The following YIPF4 variants were observed in gnomAD, a reference collection of about 807,000 sequenced individuals.
YIPF4 encodes the protein protein YIPF4.
Under a neutral mutation model 29.4 loss-of-function variants are expected in YIPF4, and 18 were observed. The observed-to-expected ratio is 0.61, with a 90% CI of 0.42 to 0.91. The LOEUF is 0.91. YIPF4 is among the 40% of genes least tolerant of loss of function. The pLI is 0.00. For missense variants in YIPF4, 279 were observed against 282.7 expected (o/e 0.99, Z 0.09); for synonymous variants, 115 against 104.7 (o/e 1.10, Z -0.60).
At chr2:32,279,699 G>A (rs537138265) in intron 1 of YIPF4, among the ~76,000 whole-genome samples, 5 of 151,306 alleles carry the variant, frequency 3.3e-5, no homozygotes, top group Admixed American at 3.3e-4. Context: ...GTGAGCCACC[G>A]CGCCCGGCCG....
intron 1 of YIPF4, among the ~76,000 whole-genome samples, chr2:32,281,677 C>G (rs532987939): frequency 7.9e-5 from 12 of 151,906 alleles, no homozygotes; most frequent in Admixed American, 5.9e-4. Context: ...GGCTTAAGCT[C>G]GAGAGTTTGA....
rs368751188 is a variant in YIPF4 at position 32,313,062 on chromosome 2, C to T, written c.*7436C>T. On this transcript the variant is annotated 3_prime_UTR_variant, in exon 6 of 6. Transcript: ENST00000238831. ...TGAGCTTATTTTGCTGGGGACTCAG[C>T]CAATTAATTTCACAAATTGTAAAAC... is the stretch of plus-strand genomic sequence containing the variant. The T allele has an allele frequency of 6.6e-6, 1 of 151,958 alleles. No homozygotes were observed. Among genetic ancestry groups the T allele is most frequent in the Non-Finnish European group, 1.5e-5 (1 of 68,006 alleles). 9.4% of individuals were successfully genotyped at this position (151,958 alleles called of 1,614,324 possible). A position where few individuals can be genotyped will look rare whatever the true frequency, so the allele number is the denominator to read the frequency against.
At chr2:32,294,640 AC>A (rs1231818158) in intron 3 of YIPF4, among the ~76,000 whole-genome samples, 12 of 147,362 alleles carry the variant, frequency 8.1e-5, no homozygotes, top group African/African-American at 3.0e-4. Flanking sequence ...CCAGGCAGAG[AC>A]GCTCCTCACT....
intron 3 of YIPF4, among the ~76,000 whole-genome samples, chr2:32,297,354 C>G (rs1021589922): frequency 6.6e-6 from 1 of 152,020 alleles, no homozygotes; most frequent in African/African-American, 2.4e-5. Flanking sequence ...CTCCCGACCT[C>G]AGGTTATCTG....
rs536884850 is a variant in YIPF4, at chr2:32,282,934, G to A, written c.79+4700G>A. Among the ~76,000 whole-genome samples the A allele has an allele frequency of 8.2e-4, 124 of 151,990 alleles. 1 individual carries two copies. In the Middle Eastern group the frequency reaches 0.014, roughly 17 times the overall value. ...TACTAAAAATACAAAAAAATTAGCC[G>A]GGGGTGGTGGCGGGTGCCTGTAGTC... is the stretch of plus-strand genomic sequence containing the variant. On this transcript the variant is annotated intron_variant, in intron 1 of 5. Coordinates refer to ENST00000238831, the MANE Select transcript of YIPF4 (RefSeq NM_032312.4).
At position 32,307,081 on chromosome 2, in the gene YIPF4, T is replaced by C; in HGVS notation, c.*1455T>C. The stretch of plus-strand genomic sequence containing the variant: ...AGCTAGAATAATGTAGAAAATTACA[T>C]GTACTGATTTTTTTAAAAACAGGTG... On this transcript the variant is annotated 3_prime_UTR_variant, in exon 6 of 6. Transcript: ENST00000238831. The C allele has an allele frequency of 7.8e-7, 1 of 1,280,630 alleles. No individual in the cohort carries two copies. Among genetic ancestry groups the C allele is most frequent in the Non-Finnish European group, 1.0e-6 (1 of 979,466 alleles). 79.3% of individuals were successfully genotyped at this position (1,280,630 alleles called of 1,614,324 possible). A position where few individuals can be genotyped will look rare whatever the true frequency, so the allele number is the denominator to read the frequency against.
intron 4 of YIPF4, among the ~76,000 whole-genome samples, chr2:32,300,780 G>T (rs2031377802): frequency 6.6e-6 from 1 of 152,154 alleles, no homozygotes; most frequent in South Asian, 2.1e-4. Flanking sequence ...TACTAGCTTT[G>T]CTTTCCGGAG....
chr2:32,305,364 C>A, intron 5 of YIPF4, 125 bp from the exon 6 acceptor site: 1 of 1,128,902 alleles, frequency 8.9e-7, no homozygotes, highest in Non-Finnish European at 1.2e-6. Context: ...ACAAGTTTTA[C>A]TATTTACCAA....
chr2:32,305,469 C>CT lies in YIPF4; in HGVS notation c.598-14dup. 3.4e-6 allele frequency: 5 copies of CT among 1,484,068 alleles called. No homozygotes were observed. The highest frequency in any genetic ancestry group is 3.0e-5 in the South Asian group (2 of 65,750). 91.9% of individuals were successfully genotyped at this position (1,484,068 alleles called of 1,614,324 possible). A position where few individuals can be genotyped will look rare whatever the true frequency, so the allele number is the denominator to read the frequency against. ...GACTTGCTAATATGCTGCCTTTTGT[C>CT]TTTTTTCCTTTTTTTAAAGCTGTTT... On this transcript the variant is annotated intron_variant, in intron 5 of 5. Transcript: ENST00000238831.
rs142782768 is a variant in YIPF4 at position 32,300,698 on chromosome 2, C to T, written c.484-684C>T. On this transcript the variant is annotated intron_variant, in intron 4 of 5. Coordinates refer to ENST00000238831, the MANE Select transcript of YIPF4 (RefSeq NM_032312.4). ...ATTTATATGAAAATATGTATCATTA[C>T]GTGTTTTGGTAATTCAGGAATGTTG... Among the ~76,000 whole-genome samples the T allele has an allele frequency of 1.4e-3, 218 of 152,124 alleles. 2 individuals carry two copies. Among genetic ancestry groups the T allele is most frequent in the African/African-American group, 4.9e-3 (204 of 41,492 alleles).
At chr2:32,300,253 C>T (rs919610897) in intron 4 of YIPF4, among the ~76,000 whole-genome samples, 5 of 146,734 alleles carry the variant, frequency 3.4e-5, no homozygotes, top group African/African-American at 1.0e-4. Flanking sequence ...GCAACAAGAG[C>T]GAAACTCCGT....
intron 1 of YIPF4, among the ~76,000 whole-genome samples, chr2:32,283,404 C>A (rs773958573): frequency 3.3e-5 from 5 of 152,170 alleles, no homozygotes; most frequent in Non-Finnish European, 4.4e-5. Context: ...CCAAATCCCT[C>A]ATTCTTAATG....
intron 4 of YIPF4, among the ~76,000 whole-genome samples, chr2:32,299,717 C>G (rs1179249170): frequency 6.6e-6 from 1 of 152,140 alleles, no homozygotes; most frequent in Admixed American, 6.6e-5. Flanking sequence ...GGGACTGAGG[C>G]AGGAGACTTG....
At position 32,290,492 on chromosome 2, in the gene YIPF4, G is replaced by T; in HGVS notation, c.89G>T (p.Gly30Val). 1.3e-6 allele frequency: 2 copies of T among 1,561,262 alleles called. No homozygotes were observed. The highest frequency in any genetic ancestry group is 1.7e-6 in the Non-Finnish European group (2 of 1,155,092). The change falls in exon 2 of 6, where the codon GGT (glycine) becomes GTT (valine). Residue 30 changes from glycine (G) to valine (V), a missense_variant. By Grantham distance (109) the Gly-to-Val change is moderately radical. Transcript: ENST00000238831. ...CCTCTTTTCTCCTAAGATCTCAGTG[G>T]TTCAATAGCATCCCCAGATGTCAAA... ...VSSADAEDLS[G>V]SIASPDVKLN...
chr2:32,291,260 C>G (rs567541495), intron 2 of YIPF4, among the ~76,000 whole-genome samples: 2 of 152,330 alleles, frequency 1.3e-5, no homozygotes, highest in Non-Finnish European at 2.9e-5. Flanking sequence ...ATCGGCCAGG[C>G]ATAGTGGCCC....
chr2:32,293,506 G>A lies in YIPF4; in HGVS notation c.405+1158G>A, dbSNP rs190401823. Among the ~76,000 whole-genome samples, 822 of 152,260 alleles carry A rather than the reference G, an allele frequency of 5.4e-3. 8 individuals carry two copies. Among genetic ancestry groups the A allele is most frequent in the African/African-American group, 0.018 (763 of 41,542 alleles). On this transcript the variant is annotated intron_variant, in intron 3 of 5. Coordinates refer to ENST00000238831, the MANE Select transcript of YIPF4 (RefSeq NM_032312.4). ...TGTCTACTTCTTTCCACACAGACAC[G>A]GCAACCATCCGATTTCTCAATCTTT...
At chr2:32,282,512 A>G (rs2030466960) in intron 1 of YIPF4, among the ~76,000 whole-genome samples, 1 of 152,062 alleles carries the variant, frequency 6.6e-6, no homozygotes, top group South Asian at 2.1e-4. Context: ...GGCTCACTGC[A>G]ACCTCTGCCT....
chr2:32,290,752 G>T, intron 2 of YIPF4, 116 bp downstream of exon 2: 1 of 628,542 alleles, frequency 1.6e-6, no homozygotes. Context: ...AAGCTATAGT[G>T]ATTGTCAATT....
rs906484653 is a variant in YIPF4, at chr2:32,307,082, G to A, written c.*1456G>A. The stretch of plus-strand genomic sequence containing the variant: ...GCTAGAATAATGTAGAAAATTACAT[G>A]TACTGATTTTTTTAAAAACAGGTGA... On this transcript the variant is annotated 3_prime_UTR_variant, in exon 6 of 6. Coordinates refer to ENST00000238831, the MANE Select transcript of YIPF4 (RefSeq NM_032312.4). 3.9e-6 allele frequency: 5 copies of A among 1,283,662 alleles called. No homozygotes were observed. Among genetic ancestry groups the A allele is most frequent in the South Asian group, 2.6e-5 (2 of 77,274 alleles). 79.5% of individuals were successfully genotyped at this position (1,283,662 alleles called of 1,614,324 possible).
Sources: allele counts gnomAD v4.1 joint callset (sites outside exome capture counted in the v4.1 genomes callset), GRCh38; gene constraint gnomAD v4.1.1; transcripts MANE v1.5; gene names NCBI Gene and HGNC (gene_info 2026-07-23, HGNC 2026-07-21).